Variants in LRRFIP2 observed in about 807,000 individuals in gnomAD.
The protein encoded by LRRFIP2 is leucine-rich repeat flightless-interacting protein 2.
LRRFIP2 carries 109 observed loss-of-function variants against 125.9 expected under a neutral mutation model. The ratio of observed to expected loss-of-function variants is 0.87; its 90% CI spans 0.74 to 1.01. The LOEUF is 1.01. Among genes scored for constraint, LRRFIP2 ranks in the 50% least tolerant of loss-of-function variants. LRRFIP2 has a pLI of 0.00. For missense variants in LRRFIP2, 850 were observed against 862.3 expected (o/e 0.99, Z 0.18); for synonymous variants, 291 against 293.1 (o/e 0.99, Z 0.07).
At position 37,058,860 on chromosome 3, in the gene LRRFIP2, C is replaced by G; in HGVS notation, c.1800G>C (p.Arg600Ser). 2 of 1,613,996 alleles carry G rather than the reference C, an allele frequency of 1.2e-6. No individual in the cohort carries two copies. Among genetic ancestry groups the G allele is most frequent in the Non-Finnish European group, 1.7e-6 (2 of 1,179,972 alleles). ...CCAGGTCACCCACTGTGCCATCATT[C>G]CTGGAGCATTTCTGTCGTTCCTCCT... ...QLEEERQKCSRNDGTVGDLAG... is the reference protein window; with the variant it reads ...QLEEERQKCSSNDGTVGDLAG... The change falls in exon 25 of 28, where the codon AGG becomes AGC. Residue 600 changes from arginine to serine, a missense_variant. Physicochemically the swap from Arg to Ser is moderately radical, Grantham distance 110. Coordinates refer to ENST00000336686, the MANE Select transcript of LRRFIP2 (RefSeq NM_006309.4).
intron 16 of LRRFIP2, among the ~76,000 whole-genome samples, chr3:37,095,876 A>G (rs1454306570): frequency 6.6e-6 from 1 of 152,152 alleles, no homozygotes; most frequent in Non-Finnish European, 1.5e-5. Context: ...CGAACTCCTG[A>G]CCTCAAGTGA....
At chr3:37,095,368 T>A (rs2149235330) in intron 16 of LRRFIP2, among the ~76,000 whole-genome samples, 1 of 152,330 alleles carries the variant, frequency 6.6e-6, no homozygotes, top group Middle Eastern at 3.4e-3. Flanking sequence ...AAGATACTAT[T>A]TGCAGCAGAG....
At chr3:37,101,806 A>G (rs781610607) in intron 15 of LRRFIP2, among the ~76,000 whole-genome samples, 11 of 152,134 alleles carry the variant, frequency 7.2e-5, no homozygotes, top group Non-Finnish European at 1.6e-4. Flanking sequence ...GCAAGAGAGG[A>G]GAAGCGTCAG....
At chr3:37,086,252 A>G (rs1201383218) in intron 18 of LRRFIP2, among the ~76,000 whole-genome samples, 1 of 152,192 alleles carries the variant, frequency 6.6e-6, no homozygotes, top group Non-Finnish European at 1.5e-5. Flanking sequence ...GAGAAACTAC[A>G]TTTCCCATAT....
chr3:37,095,550 GTTGC>G (rs1286735205), intron 16 of LRRFIP2, among the ~76,000 whole-genome samples: 2 of 152,152 alleles, frequency 1.3e-5, no homozygotes, highest in Non-Finnish European at 2.9e-5. Flanking sequence ...CAAATTGAGA[GTTGC>G]ATATAGGATA....
At chr3:37,106,026 T>C (rs1321503391) in intron 13 of LRRFIP2, among the ~76,000 whole-genome samples, 1 of 151,968 alleles carries the variant, frequency 6.6e-6, no homozygotes, top group Non-Finnish European at 1.5e-5. Context: ...GATCGTGCCA[T>C]TGCACTCCAG....
At chr3:37,065,444 G>T in intron 23 of LRRFIP2, 1 of 402,512 alleles carries the variant, frequency 2.5e-6, no homozygotes, top group Non-Finnish European at 5.0e-6. Context: ...ATGTTCCAAG[G>T]ATGAGAAACT....
chr3:37,147,698 T>C (rs1358521777), intron 2 of LRRFIP2, among the ~76,000 whole-genome samples: 1 of 152,200 alleles, frequency 6.6e-6, no homozygotes, highest in Non-Finnish European at 1.5e-5. Context: ...GGAAGTGATA[T>C]GGTAATAATT....
chr3:37,096,944 C>T (rs555234489), intron 15 of LRRFIP2, among the ~76,000 whole-genome samples: 1 of 151,914 alleles, frequency 6.6e-6, no homozygotes, highest in East Asian at 1.9e-4. Flanking sequence ...TTAAAGAAGG[C>T]TACATATAAA....
intron 25 of LRRFIP2, among the ~76,000 whole-genome samples, chr3:37,057,236 C>A (rs1175693854): frequency 6.6e-6 from 1 of 152,160 alleles, no homozygotes; most frequent in Non-Finnish European, 1.5e-5. Context: ...CCCCCTAAAT[C>A]TGTTTCCTTT....
intron 1 of LRRFIP2, chr3:37,154,613 C>T (rs939062051): frequency 6.6e-6 from 1 of 152,192 alleles, no homozygotes; most frequent in African/African-American, 2.4e-5. Flanking sequence ...ATTTTACTTA[C>T]AGAAAAGAAG....
At chr3:37,076,542 T>C (rs545239024) in intron 19 of LRRFIP2, among the ~76,000 whole-genome samples, 17 of 147,034 alleles carry the variant, frequency 1.2e-4, no homozygotes, top group African/African-American at 4.3e-4. Context: ...AATAAATACA[T>C]AAATAAATAA....
chr3:37,165,245 A>C (rs1235254651), intron 1 of LRRFIP2, among the ~76,000 whole-genome samples: 2 of 151,716 alleles, frequency 1.3e-5, no homozygotes, highest in Non-Finnish European at 2.9e-5. Flanking sequence ...AAAAAAAAAA[A>C]CAAAAAAACA....
chr3:37,080,657 T>C (rs976562665), intron 19 of LRRFIP2, among the ~76,000 whole-genome samples: 7 of 151,746 alleles, frequency 4.6e-5, no homozygotes. Flanking sequence ...TTACAGAGAA[T>C]ACAGAGGAAA....
chr3:37,141,950 TTTTG>T (rs1304104924), intron 2 of LRRFIP2, among the ~76,000 whole-genome samples: 1 of 152,026 alleles, frequency 6.6e-6, no homozygotes, highest in African/African-American at 2.4e-5. Context: ...CTTCCTGCCT[TTTTG>T]TTTGTTTGTT....
intron 1 of LRRFIP2, among the ~76,000 whole-genome samples, chr3:37,167,165 C>A (rs1031368954): frequency 6.8e-6 from 1 of 146,116 alleles, no homozygotes; most frequent in Non-Finnish European, 1.5e-5. Context: ...ACACTACACT[C>A]CAGCCTGGGT....
chr3:37,111,529 T>C (rs1260590282), intron 8 of LRRFIP2, among the ~76,000 whole-genome samples: 1 of 152,184 alleles, frequency 6.6e-6, no homozygotes, highest in African/African-American at 2.4e-5. Flanking sequence ...TATGGTTTGA[T>C]CTAAAACACT....
intron 1 of LRRFIP2, among the ~76,000 whole-genome samples, chr3:37,156,361 G>T (rs1412282983): frequency 6.6e-6 from 1 of 151,726 alleles, no homozygotes; most frequent in East Asian, 1.9e-4. Context: ...GTTGGGGAAA[G>T]AGTAACTGCT....
chr3:37,074,934 A>C, intron 20 of LRRFIP2, 90 bp downstream of exon 20: 1 of 831,776 alleles, frequency 1.2e-6, no homozygotes, highest in South Asian at 1.4e-5. Flanking sequence ...ACTCTGATGC[A>C]TCTTAACTCT....
Sources: gnomAD v4.1 joint callset for allele counts (sites outside exome capture counted in the v4.1 genomes callset) on GRCh38, gnomAD v4.1.1 for gene constraint, MANE v1.5 for transcripts, NCBI Gene and HGNC (gene_info 2026-07-23, HGNC 2026-07-21) for gene names.